OTOF: variants seen among roughly 807,000 people sequenced by gnomAD.
OTOF encodes otoferlin.
Under a neutral mutation model 236.8 loss-of-function variants are expected in OTOF, and 218 were observed. The observed-to-expected ratio is 0.92, with a 90% CI of 0.82 to 1.03. The LOEUF (loss-of-function observed/expected upper bound fraction) is 1.03. OTOF is among the 50% of genes least tolerant of loss of function. The probability of loss-of-function intolerance (pLI) is 0.00; values close to 1 mark genes in which losing one functional copy is unlikely to be tolerated. For synonymous variants in OTOF, 1,041 were observed against 1,072.5 expected (o/e 0.97, Z 0.57); for missense variants, 2,590 against 2,694.4 (o/e 0.96, Z 0.86).
intron 1 of OTOF, among the ~76,000 whole-genome samples, chr2:26,540,877 A>G (rs1394015266): frequency 6.6e-6 from 1 of 152,266 alleles, no homozygotes; most frequent in African/African-American, 2.4e-5. Context: ...AGCCAGAGAC[A>G]TAAAAAACAA....
chr2:26,484,365 AG>A, intron 12 of OTOF, 108 bp downstream of exon 12: 1 of 1,164,566 alleles, frequency 8.6e-7, no homozygotes, highest in South Asian at 1.3e-5. Context: ...GAGCGAGAGC[AG>A]GGTGAGGGAG....
intron 29 of OTOF, among the ~76,000 whole-genome samples, 193 bp downstream of exon 29, chr2:26,472,939 T>G (rs1157658643): frequency 1.3e-5 from 2 of 152,198 alleles, no homozygotes; most frequent in Non-Finnish European, 1.5e-5. Flanking sequence ...TGTCTCCAGT[T>G]CTGCCCTCTC....
At chr2:26,510,808 A>T in intron 5 of OTOF, 1 of 1,166,122 alleles carries the variant, frequency 8.6e-7, no homozygotes, top group Non-Finnish European at 1.1e-6. Flanking sequence ...TGTGGACCAG[A>T]GACACTGGCC....
In OTOF at chr2:26,461,068, CT is replaced by C; in HGVS notation, c.5534-39del. ...CAGTGTCAGCTCAGAGTGAACAGGG[CT>C]GGGGTGGGGCGGGGTGGGGGTGGGG... On this transcript the variant is annotated intron_variant, in intron 43 of 46. Transcript: ENST00000272371. The surrounding 1 kb of genome is among the most constrained non-coding windows in gnomAD (Gnocchi z 6.2). 1.7e-5 allele frequency: 6 copies of C among 343,552 alleles called. No homozygotes were observed. The highest frequency in any genetic ancestry group is 3.2e-5 in the African/African-American group (1 of 31,194). The allele number at this position is 343,552 out of a possible 1,614,324, so 21.3% of individuals were successfully genotyped here. A position where few individuals can be genotyped will look rare whatever the true frequency, so the allele number is the denominator to read the frequency against.
intron 2 of OTOF, among the ~76,000 whole-genome samples, chr2:26,530,787 C>T (rs1201580876): frequency 2.6e-5 from 4 of 152,126 alleles, no homozygotes; most frequent in African/African-American, 9.7e-5. Context: ...GCTGGAACTG[C>T]AATCCATTCC....
chr2:26,458,305 CA>C, intron 46 of OTOF, 85 bp from the exon 47 acceptor site: 2 of 1,396,884 alleles, frequency 1.4e-6, no homozygotes, highest in Non-Finnish European at 2.0e-6. Flanking sequence ...TCTGGACCCC[CA>C]AAAGCCCTGC....
intron 46 of OTOF, among the ~76,000 whole-genome samples, chr2:26,459,128 G>T (rs1664328220): frequency 6.6e-6 from 1 of 152,212 alleles, no homozygotes; most frequent in African/African-American, 2.4e-5. Context: ...TTATCCTGAA[G>T]GGCAGAAAAC....
At chr2:26,463,924 C>T (rs767678374) in intron 40 of OTOF, 40 bp downstream of exon 40, 12 of 1,613,176 alleles carry the variant, frequency 7.4e-6, no homozygotes, top group Admixed American at 6.7e-5. Context: ...CCCTGGTCCC[C>T]AATACCCAAG....
intron 3 of OTOF, among the ~76,000 whole-genome samples, chr2:26,523,450 G>T (rs1290698798): frequency 1.3e-5 from 2 of 152,162 alleles, no homozygotes; most frequent in African/African-American, 2.4e-5. Flanking sequence ...CTCTCTCTGA[G>T]ATGGCAGTGA....
Position 26,516,422 on chromosome 2 carries a change from G to C in OTOF, c.505C>G (p.Arg169Gly), listed in dbSNP as rs61744348. ...CAGAGGGGTCCTGCCTGTTACCTCC[G>C]GAAGCTCTTCTCTCCTGGGGGCCGG... ...SSRPPGEKSF[R>G]RAGRSVFSAM... Residue 169 changes from arginine to glycine, a missense_variant, in exon 5 of 47, where the codon CGG (arginine) becomes GGG (glycine). By Grantham distance (125) the Arg-to-Gly change is moderately radical. Around this residue, in one of 2 missense-constraint regions of OTOF, gnomAD observed 1,379 missense variants for 1,341.6 expected, o/e 1.03. Transcript: ENST00000272371. The C allele has an allele frequency of 2.0e-5, 33 of 1,613,566 alleles. No individual in the cohort carries two copies. The highest frequency in any genetic ancestry group is 2.7e-5 in the Non-Finnish European group (32 of 1,179,786).
At position 26,462,683 on chromosome 2, in the gene OTOF, AG is replaced by A. The variant is rs1236600342; in HGVS notation, c.5193-503del. Among the ~76,000 whole-genome samples, 1 of 152,204 alleles carries A rather than the reference AG, an allele frequency of 6.6e-6. No homozygotes were observed. The highest frequency in any genetic ancestry group is 2.4e-5 in the African/African-American group (1 of 41,450). ...AGTGAGTTGGGTGCCCCCTAATGAC[AG>A]GCCCTGGAACAGCTGACTCATGGCC... On this transcript the variant is annotated intron_variant, in intron 41 of 46. Coordinates refer to ENST00000272371, the MANE Select transcript of OTOF (RefSeq NM_194248.3). This position sits in a 1 kb window ranked among gnomAD's most constrained non-coding sequence, Gnocchi z 4.7.
rs77134292 is a variant in OTOF at position 26,509,947 on chromosome 2, A to G, written c.510-6102T>C. Among the ~76,000 whole-genome samples the G allele has an allele frequency of 6.1e-3, 926 of 152,262 alleles. 12 individuals are homozygous for G. The highest frequency in any genetic ancestry group is 0.02 in the African/African-American group (851 of 41,562). On this transcript the variant is annotated intron_variant, in intron 5 of 46. Transcript: ENST00000272371. ...CAGGTGTTAACCAGAGGCCTCCTCC[A>G]GTATGGTCCACCTTGGCTACCACTG...
At chr2:26,510,968 C>T (rs935051828) in intron 5 of OTOF, among the ~76,000 whole-genome samples, 3 of 152,244 alleles carry the variant, frequency 2.0e-5, no homozygotes, top group African/African-American at 7.2e-5. Context: ...ATGGGAGGGG[C>T]CCACAGTGCT....
At chr2:26,552,031 C>T (rs954411082) in intron 1 of OTOF, among the ~76,000 whole-genome samples, 5 of 150,332 alleles carry the variant, frequency 3.3e-5, no homozygotes, top group African/African-American at 1.2e-4. Context: ...CAACATAGGG[C>T]CATGATACTG....
chr2:26,516,545 A>G lies in OTOF; in HGVS notation c.382T>C (p.Trp128Arg). Residue 128 changes from tryptophan (W) to arginine (R), a missense_variant, in exon 5 of 47, where the codon TGG (tryptophan) becomes CGG (arginine). By Grantham distance (101) the Trp-to-Arg change is moderately radical. Coordinates refer to ENST00000272371, the MANE Select transcript of OTOF (RefSeq NM_194248.3). ...TCTCCCAGGAAGTCCCCATCGTCCC[A>G]GGAGCCCACTGTGCCGTCAGTGGCC... ...YQATDGTVGS[W>R]DDGDFLGDES... 6.2e-7 allele frequency: 1 copy of G among 1,612,596 alleles called. No individual in the cohort carries two copies. Among genetic ancestry groups the G allele is most frequent in the South Asian group, 1.1e-5 (1 of 91,086 alleles).
chr2:26,512,597 G>A (rs1666417666), intron 5 of OTOF, among the ~76,000 whole-genome samples: 1 of 152,220 alleles, frequency 6.6e-6, no homozygotes, highest in Non-Finnish European at 1.5e-5. Flanking sequence ...CTGGGGAGGT[G>A]AGGGGAACTT....
chr2:26,490,602 G>A (rs1665815387), intron 9 of OTOF, among the ~76,000 whole-genome samples: 1 of 152,222 alleles, frequency 6.6e-6, no homozygotes, highest in African/African-American at 2.4e-5. Context: ...TGTCCGAAGA[G>A]AACGTGCTCC....
chr2:26,473,667 G>A lies in OTOF; in HGVS notation c.3409-100C>T. On this transcript the variant is annotated intron_variant, in intron 27 of 46. Coordinates refer to ENST00000272371, the MANE Select transcript of OTOF (RefSeq NM_194248.3). The surrounding 1 kb of genome is among the most constrained non-coding windows in gnomAD (Gnocchi z 7.2). The stretch of plus-strand genomic sequence containing the variant: ...CATCCAATAGGGAACCGGGCAGTGG[G>A]ATGGGCAGTAGTTCACCCCAGATTT... 1 of 1,240,530 alleles carries A rather than the reference G, an allele frequency of 8.1e-7. No individual in the cohort carries two copies. Among genetic ancestry groups the A allele is most frequent in the Non-Finnish European group, 1.1e-6 (1 of 892,942 alleles). 76.8% of individuals were successfully genotyped at this position (1,240,530 alleles called of 1,614,324 possible). A position where few individuals can be genotyped will look rare whatever the true frequency, so the allele number is the denominator to read the frequency against.
In OTOF at chr2:26,474,099, T is replaced by C; in HGVS notation, c.3300A>G (p.Ala1100=). ...AAFELLQIGP[A]GKADLPPING... ...TGATGGGGGGCAGGTCAGCCTTCCC[T>C]GCTGGTCCAATCTGGGGAATGGGGG... The change falls in exon 27 of 47, where the codon GCA becomes GCG. Residue 1100 remains alanine (A), a synonymous_variant. Coordinates refer to ENST00000272371, the MANE Select transcript of OTOF (RefSeq NM_194248.3). The C allele has an allele frequency of 6.2e-7, 1 of 1,612,944 alleles. No homozygotes were observed. Among genetic ancestry groups the C allele is most frequent in the Non-Finnish European group, 8.5e-7 (1 of 1,179,852 alleles).
Sources: allele counts gnomAD v4.1 joint callset (sites outside exome capture counted in the v4.1 genomes callset), GRCh38; gene constraint gnomAD v4.1.1; regional missense constraint gnomAD v4.1.1; non-coding constraint Gnocchi (gnomAD v3.1); transcripts MANE v1.5; gene names NCBI Gene and HGNC (gene_info 2026-07-23, HGNC 2026-07-21).